Variants in CBFB observed in about 807,000 individuals in gnomAD.
CBFB encodes the protein CBF-beta.
CBFB carries 9 observed loss-of-function variants against 30.4 expected under a neutral mutation model. The ratio of observed to expected loss-of-function variants is 0.30; its 90% CI spans 0.18 to 0.52. The LOEUF is 0.52. CBFB is among the 20% of genes least tolerant of loss of function. CBFB has a pLI of 0.97. For missense variants in CBFB, 170 were observed against 244.0 expected (o/e 0.70, Z 2.02); for synonymous variants, 94 against 84.0 (o/e 1.12, Z -0.65).
chr16:67,043,995 A>G (rs1162711030), intron 3 of CBFB, among the ~76,000 whole-genome samples: 1 of 152,258 alleles, frequency 6.6e-6, no homozygotes, highest in Non-Finnish European at 1.5e-5. Flanking sequence ...AAAGCAACTA[A>G]TCAGAATTTA....
At chr16:67,034,564 C>T (rs1041752197) in intron 2 of CBFB, among the ~76,000 whole-genome samples, 1 of 152,160 alleles carries the variant, frequency 6.6e-6, no homozygotes, top group South Asian at 2.1e-4. Flanking sequence ...TCTGTGTTTA[C>T]CACTTCTGTC....
chr16:67,059,984 T>C (rs1960849849), intron 3 of CBFB, among the ~76,000 whole-genome samples: 2 of 151,912 alleles, frequency 1.3e-5, no homozygotes, highest in Non-Finnish European at 2.9e-5. Flanking sequence ...TTCTTTTTTT[T>C]TTTTTGTTGA....
At chr16:67,082,477 G>T in intron 5 of CBFB, 169 bp downstream of exon 5, 1 of 664,630 alleles carries the variant, frequency 1.5e-6, no homozygotes, top group Non-Finnish European at 2.3e-6. Flanking sequence ...TTGCTATAAA[G>T]AAATTTATTT....
In CBFB at chr16:67,086,718, AC is replaced by A. The variant is rs561293287; in HGVS notation, c.495+4414del. Among the ~76,000 whole-genome samples the A allele has an allele frequency of 1.1e-3, 162 of 152,284 alleles. 1 individual carries two copies. Among genetic ancestry groups the A allele is most frequent in the Non-Finnish European group, 2.0e-3 (134 of 68,020 alleles). On this transcript the variant is annotated intron_variant, in intron 5 of 5. Coordinates refer to ENST00000412916, the MANE Select transcript of CBFB (RefSeq NM_022845.3). ...ATTAACTAGTTAAGTAAAGTAATAAACCCCAAGTGTGTTGGTCTGTATTCTG... is the reference window on the plus strand; with the variant it reads ...ATTAACTAGTTAAGTAAAGTAATAAACCCAAGTGTGTTGGTCTGTATTCTG...
intron 2 of CBFB, 41 bp downstream of exon 2, chr16:67,029,854 C>A (rs776987126): frequency 3.4e-6 from 5 of 1,455,768 alleles, no homozygotes; most frequent in Admixed American, 2.1e-5. Flanking sequence ...TCACTTGTTG[C>A]GCGGGGCCGC....
At chr16:67,032,107 A>G (rs1210796387) in intron 2 of CBFB, among the ~76,000 whole-genome samples, 1 of 152,182 alleles carries the variant, frequency 6.6e-6, no homozygotes, top group African/African-American at 2.4e-5. Flanking sequence ...GGAATTATGA[A>G]TTCAACCCAT....
At chr16:67,067,473 G>A (rs1289062730) in intron 4 of CBFB, among the ~76,000 whole-genome samples, 3 of 152,204 alleles carry the variant, frequency 2.0e-5, no homozygotes, top group Non-Finnish European at 2.9e-5. Flanking sequence ...AGCCGAGATT[G>A]CGCTACTGCA....
chr16:67,094,165 G>T (rs1187115186), intron 5 of CBFB, among the ~76,000 whole-genome samples: 2 of 145,606 alleles, frequency 1.4e-5, no homozygotes, highest in Non-Finnish European at 3.0e-5. Flanking sequence ...CACTATGTTG[G>T]CCGGGGTGGT....
At chr16:67,064,971 C>T (rs1449930293) in intron 3 of CBFB, among the ~76,000 whole-genome samples, 2 of 152,132 alleles carry the variant, frequency 1.3e-5, no homozygotes, top group African/African-American at 2.4e-5. Context: ...TATCTCGGCT[C>T]ACTGCAATCT....
intron 4 of CBFB, among the ~76,000 whole-genome samples, chr16:67,070,085 A>G (rs1961177246): frequency 6.6e-6 from 1 of 152,224 alleles, no homozygotes; most frequent in South Asian, 2.1e-4. Flanking sequence ...AGTTAAAATA[A>G]TAACAGGAAC....
At position 67,037,668 on chromosome 16, in the gene CBFB, T is replaced by A. The variant is rs986468917; in HGVS notation, c.282+913T>A. 1.9e-4 allele frequency among the ~76,000 whole-genome samples: 18 copies of A among 95,506 alleles called. 1 individual carries two copies. Among genetic ancestry groups the A allele is most frequent in the Admixed American group, 6.3e-4 (7 of 11,200 alleles). 62.7% of individuals were successfully genotyped at this position (95,506 alleles called of 152,430 possible). A position where few individuals can be genotyped will look rare whatever the true frequency, so the allele number is the denominator to read the frequency against. ...TTAAATGTATTATGATTTTGGTAAT[T>A]TTTTTTTTTTTTTTTTTGAGATGGA... On this transcript the variant is annotated intron_variant, in intron 3 of 5. Transcript: ENST00000412916.
chr16:67,076,496 T>C (rs1190482170), intron 4 of CBFB, among the ~76,000 whole-genome samples: 1 of 152,166 alleles, frequency 6.6e-6, no homozygotes, highest in African/African-American at 2.4e-5. Context: ...TTTCTTTTTA[T>C]AGAAAGTAAA....
intron 4 of CBFB, among the ~76,000 whole-genome samples, chr16:67,076,604 C>G (rs1961404230): frequency 6.6e-6 from 1 of 152,118 alleles, no homozygotes; most frequent in African/African-American, 2.4e-5. Flanking sequence ...CCTCTAGGAA[C>G]AGGAGGGAAA....
chr16:67,040,193 C>T (rs1020483033), intron 3 of CBFB, among the ~76,000 whole-genome samples: 2 of 152,114 alleles, frequency 1.3e-5, no homozygotes, highest in African/African-American at 4.8e-5. Context: ...TTGTTTCTGT[C>T]CCCACAGGAC....
At chr16:67,079,548 G>A (rs1380686001) in intron 4 of CBFB, among the ~76,000 whole-genome samples, 2 of 118,878 alleles carry the variant, frequency 1.7e-5, no homozygotes, top group Admixed American at 2.1e-4. Flanking sequence ...TGACCCCAAC[G>A]TGATATGAGG....
chr16:67,054,070 A>G (rs568429899), intron 3 of CBFB, among the ~76,000 whole-genome samples: 1 of 151,934 alleles, frequency 6.6e-6, no homozygotes, highest in African/African-American at 2.4e-5. Context: ...ATTGTCCTCT[A>G]TATCCAGCGC....
At chr16:67,096,353 C>G (rs1459445839) in intron 5 of CBFB, among the ~76,000 whole-genome samples, 1 of 151,662 alleles carries the variant, frequency 6.6e-6, no homozygotes, top group Non-Finnish European at 1.5e-5. Context: ...ATGGAAAGTA[C>G]TTAGTACCAC....
At chr16:67,029,521 C>T (rs368782490) in intron 1 of CBFB, 36 bp downstream of exon 1, 31 of 1,558,898 alleles carry the variant, frequency 2.0e-5, no homozygotes, top group Non-Finnish European at 2.6e-5. Flanking sequence ...GAGGCCGCAG[C>T]GCGCCCCGAG....
At chr16:67,031,318 T>C (rs931847330) in intron 2 of CBFB, among the ~76,000 whole-genome samples, 12 of 152,220 alleles carry the variant, frequency 7.9e-5, no homozygotes, top group African/African-American at 2.9e-4. Context: ...ATGATTGAAG[T>C]GCATAAGACA....
Sources: gnomAD v4.1 joint callset for allele counts (sites outside exome capture counted in the v4.1 genomes callset) on GRCh38, gnomAD v4.1.1 for gene constraint, MANE v1.5 for transcripts, NCBI Gene and HGNC (gene_info 2026-07-23, HGNC 2026-07-21) for gene names.